The following ADGRB2 variants were observed in gnomAD, a reference collection of about 807,000 sequenced individuals.
ADGRB2 encodes adhesion G protein-coupled receptor B2.
In ADGRB2, 47 loss-of-function variants were observed where a neutral mutation model predicts 178.7. The observed-to-expected ratio is 0.26, with a 90% CI of 0.21 to 0.34. ADGRB2 has a LOEUF of 0.34. Ranked by LOEUF, ADGRB2 falls within the 10% of genes least tolerant of loss-of-function variation. The pLI, the probability that ADGRB2 is intolerant of heterozygous loss-of-function variation, is 1.00. For synonymous variants in ADGRB2, 870 were observed against 912.4 expected, an observed-to-expected ratio of 0.95 and a Z score of 0.84; for missense variants, 1,584 against 2,180.8, an observed-to-expected ratio of 0.73 and a Z score of 5.45.
At chr1:31,751,843 A>G (rs1646588350) in intron 4 of ADGRB2, among the ~76,000 whole-genome samples, 1 of 152,028 alleles carries the variant, frequency 6.6e-6, no homozygotes, top group Admixed American at 6.5e-5. Context: ...TTCCTTTGAC[A>G]TCTGGCAGGG....
rs528852959 is a variant in ADGRB2 at position 31,758,129 on chromosome 1, C to G, written c.-190-618G>C. Reference sequence around the variant, plus strand: ...CAGCCCCACTTCCAATCCTACCCCCCAAGTAATCCAAGCGGCCTCCCTCCT... The same window carrying G: ...CAGCCCCACTTCCAATCCTACCCCCGAAGTAATCCAAGCGGCCTCCCTCCT... On this transcript the variant is annotated intron_variant, in intron 1 of 32. Coordinates refer to ENST00000373658, the MANE Select transcript of ADGRB2 (RefSeq NM_001364857.2). This position sits in a 1 kb window ranked among gnomAD's most constrained non-coding sequence, Gnocchi z 4.2. Among the ~76,000 whole-genome samples the G allele has an allele frequency of 1.5e-4, 23 of 152,326 alleles. No individual in the cohort carries two copies. The highest frequency in any genetic ancestry group is 1.3e-3 in the Admixed American group (20 of 15,308).
At chr1:31,752,577 G>C (rs968978661) in intron 4 of ADGRB2, among the ~76,000 whole-genome samples, 4 of 152,218 alleles carry the variant, frequency 2.6e-5, no homozygotes, top group African/African-American at 7.2e-5. Flanking sequence ...GACAGGGCTT[G>C]AGCAGTGCTT....
chr1:31,727,126 T>G lies in ADGRB2; in HGVS notation c.*294A>C. 5.8e-6 allele frequency: 2 copies of G among 346,758 alleles called. No individual in the cohort carries two copies. The highest frequency in any genetic ancestry group is 5.2e-6 in the Non-Finnish European group (1 of 192,440). The allele number at this position is 346,758 out of a possible 1,614,324, so 21.5% of individuals were successfully genotyped here. A position where few individuals can be genotyped will look rare whatever the true frequency, so the allele number is the denominator to read the frequency against. Reference sequence around the variant, plus strand: ...CAGCTCAGCAGCAAAATCCACAGAGTGAAGTTTATTCCCAACAAAGTTCCC... The same window carrying G: ...CAGCTCAGCAGCAAAATCCACAGAGGGAAGTTTATTCCCAACAAAGTTCCC... On this transcript the variant is annotated 3_prime_UTR_variant, in exon 33 of 33. Coordinates refer to ENST00000373658, the MANE Select transcript of ADGRB2 (RefSeq NM_001364857.2). The surrounding 1 kb of genome is among the most constrained non-coding windows in gnomAD (Gnocchi z 4.4).
chr1:31,735,382 G>A lies in ADGRB2; in HGVS notation c.3354-101C>T, dbSNP rs1645534298. 9.8e-7 allele frequency: 1 copy of A among 1,019,928 alleles called. No individual in the cohort carries two copies. The allele number at this position is 1,019,928 out of a possible 1,614,324, so 63.2% of individuals were successfully genotyped here. A position where few individuals can be genotyped will look rare whatever the true frequency, so the allele number is the denominator to read the frequency against. On this transcript the variant is annotated intron_variant, in intron 24 of 32. Transcript: ENST00000373658. The surrounding 1 kb of genome is among the most constrained non-coding windows in gnomAD (Gnocchi z 6.0). ...AGTGGGGTGGGAGGGGAGGGCAGACGAGAGAGAGAGAGCTGGGTTAGGGTG... is the reference window on the plus strand; with the variant it reads ...AGTGGGGTGGGAGGGGAGGGCAGACAAGAGAGAGAGAGCTGGGTTAGGGTG...
rs1264842881 is a variant in ADGRB2 at position 31,731,256 on chromosome 1, G to A, written c.3924C>T (p.Ala1308=). 6.2e-7 allele frequency: 1 copy of A among 1,609,492 alleles called. No individual in the cohort carries two copies. Among genetic ancestry groups the A allele is most frequent in the Non-Finnish European group, 8.5e-7 (1 of 1,178,564 alleles). The change falls in exon 29 of 33, where the codon GCC becomes GCT. Residue 1308 remains alanine (A), a synonymous_variant. Transcript: ENST00000373658. ...GCGGAGGCTCCCCCAGCCCTGGTGAGGCTGCCATGGGCACCAGGATATTCC... is the reference window on the plus strand; with the variant it reads ...GCGGAGGCTCCCCCAGCCCTGGTGAAGCTGCCATGGGCACCAGGATATTCC... The part of the protein sequence containing the change: ...LPGNILVPMA[A]SPGLGEPPPP...
In ADGRB2 at chr1:31,755,980, A is replaced by G. The variant is rs1646811037; in HGVS notation, c.838+19T>C. The G allele has an allele frequency of 1.3e-6, 2 of 1,585,268 alleles. No individual in the cohort carries two copies. Among genetic ancestry groups the G allele is most frequent in the Non-Finnish European group, 1.7e-6 (2 of 1,161,410 alleles). ...AGCCCCTGCAGACCCCGCCCCACCC[A>G]GGCCCTGCTGAGACTCACCATATCT... is the stretch of plus-strand genomic sequence containing the variant. On this transcript the variant is annotated intron_variant, in intron 4 of 32. Transcript: ENST00000373658. This position sits in a 1 kb window ranked among gnomAD's most constrained non-coding sequence, Gnocchi z 5.1.
At chr1:31,763,429 A>G (rs1647105099) in intron 1 of ADGRB2, among the ~76,000 whole-genome samples, 1 of 142,628 alleles carries the variant, frequency 7.0e-6, no homozygotes, top group Non-Finnish European at 1.5e-5. Context: ...AGTGGAGGAG[A>G]GGAGCAGGGT....
chr1:31,742,896 G>A lies in ADGRB2; in HGVS notation c.1194C>T (p.Gly398=). ...GCAGCTCAGGACCCTCGCAGGCCTT[G>A]CCGCCGTGCTGGGGGGGCACGCAGG... ...MRTCVPPQHG[G]KACEGPELQT... is the part of the protein sequence containing the mutation. Residue 398 remains glycine, a synonymous_variant, in exon 7 of 33, where the codon GGC becomes GGT. Transcript: ENST00000373658. The A allele has an allele frequency of 6.5e-7, 1 of 1,541,348 alleles. No individual in the cohort carries two copies. Among genetic ancestry groups the A allele is most frequent in the East Asian group, 2.5e-5 (1 of 40,272 alleles).
At position 31,735,154 on chromosome 1, in the gene ADGRB2, C is replaced by T. The variant is rs1645512255; in HGVS notation, c.3452+29G>A. Reference sequence around the variant, plus strand: ...CCCCAATTCCTTTGCCCCACCCACCCCCACCGCCCCCCAGGGGGCACGACT... The same window carrying T: ...CCCCAATTCCTTTGCCCCACCCACCTCCACCGCCCCCCAGGGGGCACGACT... On this transcript the variant is annotated intron_variant, in intron 25 of 32. Transcript: ENST00000373658. The surrounding 1 kb of genome is among the most constrained non-coding windows in gnomAD (Gnocchi z 6.0). The T allele has an allele frequency of 2.1e-6, 3 of 1,418,864 alleles. No individual in the cohort carries two copies. Among genetic ancestry groups the T allele is most frequent in the African/African-American group, 1.4e-5 (1 of 69,256 alleles). 87.9% of individuals were successfully genotyped at this position (1,418,864 alleles called of 1,614,324 possible).
rs778021765 is a variant in ADGRB2 at position 31,759,339 on chromosome 1, G to A, written c.-190-1828C>T. 2 of 779,708 alleles carry A rather than the reference G, an allele frequency of 2.6e-6. No homozygotes were observed. Among genetic ancestry groups the A allele is most frequent in the Non-Finnish European group, 4.8e-6 (2 of 417,954 alleles). 48.3% of individuals were successfully genotyped at this position (779,708 alleles called of 1,614,324 possible). A position where few individuals can be genotyped will look rare whatever the true frequency, so the allele number is the denominator to read the frequency against. On this transcript the variant is annotated intron_variant, in intron 1 of 32. Transcript: ENST00000373658. The surrounding 1 kb of genome is among the most constrained non-coding windows in gnomAD (Gnocchi z 4.3). ...AACACACATGAGTATCTGGCCCTCT[G>A]AGGCTCAGCATATGACAGCTAAGTG...
In ADGRB2 at chr1:31,755,875, G is replaced by C. The variant is rs931773835; in HGVS notation, c.838+124C>G. 6 of 1,348,366 alleles carry C rather than the reference G, an allele frequency of 4.4e-6. No homozygotes were observed. The highest frequency in any genetic ancestry group is 5.0e-6 in the Non-Finnish European group (5 of 991,030). The allele number at this position is 1,348,366 out of a possible 1,614,324, so 83.5% of individuals were successfully genotyped here. ...TTTGGTGACCGCAACATTTGGACAA[G>C]GCTCAGCAGAGGGGTGACATCAGTG... On this transcript the variant is annotated intron_variant, in intron 4 of 32. Transcript: ENST00000373658. The surrounding 1 kb of genome is among the most constrained non-coding windows in gnomAD (Gnocchi z 5.1).
intron 20 of ADGRB2, among the ~76,000 whole-genome samples, 165 bp downstream of exon 20, chr1:31,737,264 C>T (rs529099807): frequency 1.3e-5 from 2 of 152,132 alleles, no homozygotes; most frequent in Non-Finnish European, 2.9e-5. Context: ...TCTCCAATGT[C>T]CTCACATATG....
chr1:31,763,262 T>G (rs971745417), intron 1 of ADGRB2, among the ~76,000 whole-genome samples: 1 of 143,520 alleles, frequency 7.0e-6, no homozygotes, highest in African/African-American at 2.6e-5. Context: ...TGCAGCAAGA[T>G]TGGCGAGGGA....
chr1:31,735,943 C>A lies in ADGRB2; in HGVS notation c.3201-50G>T. 1 of 1,499,604 alleles carries A rather than the reference C, an allele frequency of 6.7e-7. No homozygotes were observed. The allele number at this position is 1,499,604 out of a possible 1,614,324, so 92.9% of individuals were successfully genotyped here. A position where few individuals can be genotyped will look rare whatever the true frequency, so the allele number is the denominator to read the frequency against. On this transcript the variant is annotated intron_variant, in intron 22 of 32. Transcript: ENST00000373658. The surrounding 1 kb of genome is among the most constrained non-coding windows in gnomAD (Gnocchi z 6.0). ...TCAGACACCCAGCAGCCTCCCTCCCCACCCTCAAACACCATCCCTCAGTCC... is the reference window on the plus strand; with the variant it reads ...TCAGACACCCAGCAGCCTCCCTCCCAACCCTCAAACACCATCCCTCAGTCC...
At chr1:31,731,525 AG>A in intron 28 of ADGRB2, 106 bp from the exon 29 acceptor site, 5 of 1,390,482 alleles carry the variant, frequency 3.6e-6, no homozygotes, top group Non-Finnish European at 4.8e-6. Context: ...TGGACAGGAA[AG>A]GAAACTGGGT....
At chr1:31,732,766 G>A (rs972113523) in intron 26 of ADGRB2, among the ~76,000 whole-genome samples, 154 bp from the exon 27 acceptor site, 7 of 152,266 alleles carry the variant, frequency 4.6e-5, no homozygotes, top group Non-Finnish European at 7.3e-5. Context: ...AGGGTGCAAC[G>A]GGAGGAGGAG....
In ADGRB2 at chr1:31,739,613, G is replaced by C. The variant is rs140390564; in HGVS notation, c.2190C>G (p.Pro730=). The stretch of plus-strand genomic sequence containing the variant: ...TGATGTCACTGGACACAGCTGAGAC[G>C]GGCTCTCGCTGAATGCTGATCACTG... The part of the protein sequence containing the change: ...DNLVISIQRE[P]VSAVSSDITF... Residue 730 remains proline (P), a synonymous_variant, in exon 15 of 33, where the codon CCC becomes CCG. Transcript: ENST00000373658. 6.3e-7 allele frequency: 1 copy of C among 1,595,442 alleles called. No homozygotes were observed. The highest frequency in any genetic ancestry group is 1.1e-5 in the South Asian group (1 of 88,330).
chr1:31,741,400 G>C lies in ADGRB2; in HGVS notation c.1767C>G (p.Ser589=). The change falls in exon 11 of 33, where the codon TCC becomes TCG. Residue 589 remains serine, a synonymous_variant. Transcript: ENST00000373658. The surrounding 1 kb of genome is among the most constrained non-coding windows in gnomAD (Gnocchi z 6.5). ...ACAGATACAGGTAGCGGTACTCATG[G>C]GAGATGCAGCGAGCAAAGCTGGGCA... ...WGLPSFARCI[S]HEYRYLYLSL... is the part of the protein sequence containing the mutation. 1 of 1,606,696 alleles carries C rather than the reference G, an allele frequency of 6.2e-7. No homozygotes were observed.
chr1:31,751,160 C>T, intron 4 of ADGRB2, among the ~76,000 whole-genome samples: 1 of 152,220 alleles, frequency 6.6e-6, no homozygotes, highest in East Asian at 1.9e-4. Context: ...CTCTTTATAG[C>T]TCCTACCCCC....
Sources: allele counts gnomAD v4.1 joint callset (sites outside exome capture counted in the v4.1 genomes callset), GRCh38; gene constraint gnomAD v4.1.1; non-coding constraint Gnocchi (gnomAD v3.1); transcripts MANE v1.5; gene names NCBI Gene and HGNC (gene_info 2026-07-23, HGNC 2026-07-21).